Variants in TENM3 observed in about 807,000 individuals in gnomAD.
The protein encoded by TENM3 is teneurin transmembrane protein 3, also known as teneurin-3.
Under a neutral mutation model 255.1 loss-of-function variants are expected in TENM3, and 63 were observed. The observed-to-expected ratio is 0.25, with a 90% CI of 0.20 to 0.30. The LOEUF is 0.30. TENM3 is among the 10% of genes least tolerant of loss of function. TENM3 has a pLI of 1.00. For synonymous variants in TENM3, 1,306 were observed against 1,322.3 expected (o/e 0.99, Z 0.27); for missense variants, 2,929 against 3,461.1 (o/e 0.85, Z 3.86).
chr4:181,663,899 T>G, the TENM3 span, among the ~76,000 whole-genome samples: 1 of 152,228 alleles, frequency 6.6e-6, no homozygotes, highest in East Asian at 1.9e-4. Flanking sequence ...GCTTTCATCT[T>G]TGCAGATGAT....
intron 4 of TENM3, among the ~76,000 whole-genome samples, chr4:182,616,867 G>A (rs960694781): frequency 1.8e-4 from 28 of 152,132 alleles, no homozygotes; most frequent in Non-Finnish European, 2.2e-4. Context: ...GAGTAAGAAC[G>A]GGTAATTTTC....
At chr4:181,896,644 G>A in the TENM3 span, among the ~76,000 whole-genome samples, 9 of 152,132 alleles carry the variant, frequency 5.9e-5, no homozygotes, top group Non-Finnish European at 1.0e-4. Flanking sequence ...CACAAAAAAC[G>A]GAGGCATGCA....
At chr4:182,349,100 G>T (rs1765014530) in intron 3 of TENM3, among the ~76,000 whole-genome samples, 1 of 152,184 alleles carries the variant, frequency 6.6e-6, no homozygotes, top group East Asian at 1.9e-4. Context: ...GGCAGCATTT[G>T]TTGAGAGTAA....
the TENM3 span, among the ~76,000 whole-genome samples, chr4:181,758,407 A>C: frequency 2.6e-5 from 4 of 152,332 alleles, no homozygotes; most frequent in Non-Finnish European, 2.9e-5. Flanking sequence ...CAGTGTAAAG[A>C]TAATGTGAAG....
At chr4:182,452,634 T>C (rs1251251152) in intron 3 of TENM3, among the ~76,000 whole-genome samples, 1 of 152,224 alleles carries the variant, frequency 6.6e-6, no homozygotes, top group Admixed American at 6.5e-5. Flanking sequence ...AATATGGATT[T>C]TAAGTTATGA....
Position 182,697,247 on chromosome 4 carries a change from G to A in TENM3, c.2221+8896G>A, listed in dbSNP as rs73869815. Among the ~76,000 whole-genome samples, 1,377 of 152,262 alleles carry A rather than the reference G, an allele frequency of 9.0e-3. 24 individuals carry two copies. The highest frequency in any genetic ancestry group is 0.032 in the African/African-American group (1,321 of 41,532). ...GCTAATTCTTCCAGAAAAAACAGGAGTGCATGCTGGATACAAGGAGAGCTA... is the reference window on the plus strand; with the variant it reads ...GCTAATTCTTCCAGAAAAAACAGGAATGCATGCTGGATACAAGGAGAGCTA... On this transcript the variant is annotated intron_variant, in intron 12 of 27. Transcript: ENST00000511685.
chr4:182,314,516 A>C (rs1388450896), intron 1 of TENM3, among the ~76,000 whole-genome samples: 1 of 152,208 alleles, frequency 6.6e-6, no homozygotes, highest in East Asian at 1.9e-4. Flanking sequence ...GCATTCCTCT[A>C]TCTGGTCTTG....
the TENM3 span, among the ~76,000 whole-genome samples, chr4:182,100,448 A>AAAAAT: frequency 8.7e-6 from 1 of 114,698 alleles, no homozygotes; most frequent in African/African-American, 3.3e-5. Context: ...TAAAAAAAAA[A>AAAAAT]ATATATATAT....
At chr4:182,621,247 C>T (rs1253906492) in intron 4 of TENM3, among the ~76,000 whole-genome samples, 1 of 151,880 alleles carries the variant, frequency 6.6e-6, no homozygotes, top group Non-Finnish European at 1.5e-5. Flanking sequence ...AATTCCTGGG[C>T]TCAAGCAATC....
chr4:182,442,420 G>A (rs1276024306), intron 3 of TENM3, among the ~76,000 whole-genome samples: 2 of 152,172 alleles, frequency 1.3e-5, no homozygotes, highest in Non-Finnish European at 2.9e-5. Context: ...TAAAGGATTT[G>A]ATCTATGCAC....
At chr4:182,643,458 G>A (rs1752488391) in intron 5 of TENM3, among the ~76,000 whole-genome samples, 1 of 152,098 alleles carries the variant, frequency 6.6e-6, no homozygotes, top group Non-Finnish European at 1.5e-5. Flanking sequence ...CTAAATATTT[G>A]TATTTTAAAA....
chr4:182,580,500 A>G (rs1339589354), intron 3 of TENM3, among the ~76,000 whole-genome samples: 5 of 151,348 alleles, frequency 3.3e-5, no homozygotes, highest in Non-Finnish European at 5.9e-5. Context: ...TTTTTTTTTC[A>G]ATCAGGATGA....
intron 3 of TENM3, among the ~76,000 whole-genome samples, chr4:182,439,205 G>C (rs1772270482): frequency 6.6e-6 from 1 of 152,196 alleles, no homozygotes; most frequent in African/African-American, 2.4e-5. Context: ...GGACTAGACA[G>C]TAATTGAGTT....
chr4:182,750,986 CCTT>C (rs1354848930), intron 19 of TENM3, among the ~76,000 whole-genome samples: 1 of 152,148 alleles, frequency 6.6e-6, no homozygotes, highest in Non-Finnish European at 1.5e-5. Context: ...TTTGTCCCCT[CCTT>C]AACAGTGTTG....
intron 3 of TENM3, among the ~76,000 whole-genome samples, chr4:182,431,479 G>A (rs1771640193): frequency 1.3e-5 from 2 of 152,176 alleles, no homozygotes; most frequent in South Asian, 2.1e-4. Flanking sequence ...GCAACAAAGC[G>A]AGACTCCCTC....
chr4:182,463,226 A>C (rs948106130), intron 3 of TENM3, among the ~76,000 whole-genome samples: 43 of 152,164 alleles, frequency 2.8e-4, no homozygotes, highest in African/African-American at 8.4e-4. Context: ...TGTGAGCCTA[A>C]ATTATTTATC....
At chr4:182,109,912 C>T in the TENM3 span, among the ~76,000 whole-genome samples, 4 of 152,006 alleles carry the variant, frequency 2.6e-5, no homozygotes, top group African/African-American at 9.7e-5. Flanking sequence ...TTTTGTACAC[C>T]CCACAAGATG....
chr4:181,756,829 G>T, the TENM3 span, among the ~76,000 whole-genome samples: 10 of 152,292 alleles, frequency 6.6e-5, no homozygotes, highest in South Asian at 2.1e-3. Flanking sequence ...AGCTCCTTCT[G>T]TGCCCTGGGG....
chr4:182,535,821 T>C (rs73004825), intron 3 of TENM3, among the ~76,000 whole-genome samples: 86 of 152,234 alleles, frequency 5.6e-4, no homozygotes, highest in African/African-American at 1.9e-3. Context: ...CATTATTATA[T>C]GTTAATAATA....
Sources: allele counts gnomAD v4.1 joint callset (sites outside exome capture counted in the v4.1 genomes callset), GRCh38; gene constraint gnomAD v4.1.1; transcripts MANE v1.5; gene names NCBI Gene and HGNC (gene_info 2026-07-23, HGNC 2026-07-21).